Variants in ELN observed in about 807,000 individuals in gnomAD.
ELN encodes the protein tropoelastin.
A neutral mutation model predicts 105.8 loss-of-function variants in ELN; 65 were observed. That is an observed-to-expected ratio of 0.61 (90% CI 0.50 to 0.75). The LOEUF (loss-of-function observed/expected upper bound fraction) is 0.75, where lower values mean the gene tolerates loss of function less well. Ranked by LOEUF, ELN falls within the 30% of genes least tolerant of loss-of-function variation. The pLI is 0.00. For synonymous variants in ELN, 368 were observed against 389.2 expected, an observed-to-expected ratio of 0.95 and a Z score of 0.64; for missense variants, 882 against 969.4, an observed-to-expected ratio of 0.91 and a Z score of 1.20.
chr7:74,056,205 T>A, intron 19 of ELN, 66 bp from the exon 20 acceptor site: 14 of 1,600,544 alleles, frequency 8.7e-6, no homozygotes, highest in Non-Finnish European at 1.1e-5. Flanking sequence ...TCCATCAGCA[T>A]CCCTCAGAGC....
chr7:74,048,382 C>A, intron 14 of ELN, 121 bp from the exon 15 acceptor site: 6 of 1,533,334 alleles, frequency 3.9e-6, no homozygotes, highest in Non-Finnish European at 5.4e-6. Flanking sequence ...TCTGCCTACT[C>A]TGAAGCTCCC....
At chr7:74,067,047 A>G (rs890669708) in intron 32 of ELN, among the ~76,000 whole-genome samples, 1 of 152,198 alleles carries the variant, frequency 6.6e-6, no homozygotes, top group African/African-American at 2.4e-5. Context: ...GCACTTTGGG[A>G]GGCTGAGGAG....
intron 17 of ELN, 27 bp from the exon 18 acceptor site, chr7:74,053,136 A>G: frequency 1.2e-6 from 2 of 1,614,160 alleles, no homozygotes; most frequent in South Asian, 2.2e-5. Context: ...CCCATAGGTT[A>G]GGGGAACAAT....
intron 30 of ELN, 92 bp from the exon 31 acceptor site, chr7:74,065,852 C>T (rs1797820398): frequency 1.2e-6 from 2 of 1,611,800 alleles, no homozygotes; most frequent in Non-Finnish European, 8.5e-7. Flanking sequence ...AAGATCTTGT[C>T]TGGGACATTC....
intron 31 of ELN, among the ~76,000 whole-genome samples, 179 bp from the exon 32 acceptor site, chr7:74,066,553 C>A (rs569151541): frequency 2.0e-5 from 3 of 152,134 alleles, no homozygotes; most frequent in East Asian, 3.9e-4. Context: ...GGTGACAGAG[C>A]AAGACCCCAT....
chr7:74,063,365 GT>G lies in ELN; in HGVS notation c.1917del (p.Phe639LeufsTer3). 6.5e-7 allele frequency: 1 copy of G among 1,546,838 alleles called. No homozygotes were observed. On this transcript the variant is annotated frameshift_variant, in exon 28 of 33. Coordinates refer to ENST00000252034, the MANE Select transcript of ELN (RefSeq NM_000501.4). The surrounding 1 kb of genome is among the most constrained non-coding windows in gnomAD (Gnocchi z 4.1). ...AAKAAAKAAQ[F>X]GLVGAAGLGG... ...CCAAAGCTGCTGCCAAAGCCGCCCA[GT>G]TTGGTGAGCACTGGGTGGAGGTGGG...
rs367634266 is a variant in ELN at position 74,028,222 on chromosome 7, G to A, written c.35G>A (p.Gly12Glu). ...CTGACGGCGGCGGCCCCGCGGCCCG[G>A]AGTCCTCCTGCTCCTGCTGTCCATC... ...AGLTAAAPRP[G>E]VLLLLLSILH... Residue 12 changes from glycine (G) to glutamate (E), a missense_variant, in exon 1 of 33, where the codon GGA becomes GAA. Transcript: ENST00000252034. 6.2e-7 allele frequency: 1 copy of A among 1,611,174 alleles called. No homozygotes were observed.
rs782477397 is a variant in ELN, at chr7:74,036,565, C to T, written c.144C>T (p.Leu48=). The T allele has an allele frequency of 4.3e-6, 7 of 1,614,020 alleles. No individual in the cohort carries two copies. Among genetic ancestry groups the T allele is most frequent in the African/African-American group, 2.7e-5 (2 of 74,930 alleles). The stretch of plus-strand genomic sequence containing the variant: ...TCTCTCCCCCCACAGGGGCTGGTCT[C>T]GGAGCCCTTGGAGGAGGAGGTGAGC... ...PGGVFYPGAG[L]GALGGGALGP... Residue 48 remains leucine (L), a synonymous_variant, in exon 3 of 33, where the codon CTC becomes CTT. Coordinates refer to ENST00000252034, the MANE Select transcript of ELN (RefSeq NM_000501.4).
At chr7:74,047,828 G>A in intron 13 of ELN, 112 bp downstream of exon 13, 1 of 1,503,162 alleles carries the variant, frequency 6.7e-7, no homozygotes, top group Non-Finnish European at 9.2e-7. Context: ...CTGGGGCAGG[G>A]TTGGGGTCTT....
intron 14 of ELN, 131 bp from the exon 15 acceptor site, chr7:74,048,372 T>C: frequency 6.7e-7 from 1 of 1,496,784 alleles, no homozygotes; most frequent in Non-Finnish European, 9.3e-7. Context: ...TCCATCAGCC[T>C]CTGCCTACTC....
At chr7:74,048,722 C>T (rs1554674161) in intron 15 of ELN, among the ~76,000 whole-genome samples, 166 bp downstream of exon 15, 1 of 152,132 alleles carries the variant, frequency 6.6e-6, no homozygotes, top group African/African-American at 2.4e-5. Flanking sequence ...TTCTTCCATG[C>T]ATCCATGTAT....
chr7:74,055,793 T>A (rs1038611611), intron 19 of ELN, among the ~76,000 whole-genome samples: 9 of 144,228 alleles, frequency 6.2e-5, no homozygotes, highest in African/African-American at 2.0e-4. Context: ...AAAAAAGAAA[T>A]TTTTTTTTTT....
At chr7:74,057,242 A>C (rs1795441654) in intron 21 of ELN, 2 of 753,968 alleles carry the variant, frequency 2.7e-6, no homozygotes, top group South Asian at 5.5e-5. Flanking sequence ...CAACTCTAAA[A>C]ATAAAAAAAA....
intron 6 of ELN, 94 bp downstream of exon 6, chr7:74,042,800 G>T: frequency 6.4e-7 from 1 of 1,550,420 alleles, no homozygotes; most frequent in Non-Finnish European, 8.8e-7. Context: ...AGGCTTGGGA[G>T]CCGGGTGGGT....
chr7:74,061,176 C>A, intron 26 of ELN, 37 bp downstream of exon 26: 1 of 1,613,730 alleles, frequency 6.2e-7, no homozygotes, highest in South Asian at 1.1e-5. Flanking sequence ...GCTCCCTTGC[C>A]ACCACACCAT....
intron 21 of ELN, chr7:74,057,249 A>AAAAAAG (rs1302826883): frequency 4.1e-5 from 32 of 788,602 alleles, no homozygotes; most frequent in African/African-American, 2.1e-4. Context: ...AAAAATAAAA[A>AAAAAAG]AAAAAGAAAA....
intron 8 of ELN, chr7:74,043,538 C>A (rs557661598): frequency 3.0e-6 from 2 of 669,144 alleles, no homozygotes; most frequent in Admixed American, 2.1e-5. Context: ...CGTTCTGCCC[C>A]ACCAAGCCCT....
At chr7:74,039,399 G>A (rs1375220014) in intron 4 of ELN, among the ~76,000 whole-genome samples, 2 of 152,204 alleles carry the variant, frequency 1.3e-5, no homozygotes, top group African/African-American at 2.4e-5. Flanking sequence ...AGGGTCGGCA[G>A]AGCCCCCATG....
chr7:74,051,902 C>T, intron 16 of ELN, 22 bp from the exon 17 acceptor site: 2 of 1,614,156 alleles, frequency 1.2e-6, no homozygotes, highest in Non-Finnish European at 1.7e-6. Flanking sequence ...AAGGACCTCA[C>T]CCTCTGTGGC....
Sources: gnomAD v4.1 joint callset for allele counts (sites outside exome capture counted in the v4.1 genomes callset) on GRCh38, gnomAD v4.1.1 for gene constraint, Gnocchi (gnomAD v3.1) non-coding constraint, MANE v1.5 for transcripts, NCBI Gene and HGNC (gene_info 2026-07-23, HGNC 2026-07-21) for gene names.